DDX1: variants seen among roughly 807,000 people sequenced by gnomAD.
The protein encoded by DDX1 is ATP-dependent RNA helicase DDX1.
A neutral mutation model predicts 108.7 loss-of-function variants in DDX1; 28 were observed. That is an observed-to-expected ratio of 0.26 (90% confidence interval 0.19 to 0.35). The LOEUF is 0.35. Ranked by LOEUF, DDX1 falls within the 10% of genes least tolerant of loss-of-function variation. DDX1 has a pLI of 1.00. For synonymous variants in DDX1, 295 were observed against 288.9 expected, an observed-to-expected ratio of 1.02 and a Z score of -0.21; for missense variants, 710 against 884.5, an observed-to-expected ratio of 0.80 and a Z score of 2.50.
chr2:15,623,421 G>C lies in DDX1; in HGVS notation c.1448-15G>C, dbSNP rs375661986. The stretch of plus-strand genomic sequence containing the variant: ...TGAAATTCTGTTGGTTTTTGTTGTT[G>C]TTATGATATTCAAGAGATGTGGTCT... On this transcript the variant is annotated splice_polypyrimidine_tract_variant and intron_variant, in intron 18 of 25. Coordinates refer to ENST00000233084, the MANE Select transcript of DDX1 (RefSeq NM_004939.3). 3.1e-6 allele frequency: 5 copies of C among 1,612,030 alleles called. No individual in the cohort carries two copies. The highest frequency in any genetic ancestry group is 1.7e-5 in the Admixed American group (1 of 59,876).
At chr2:15,604,219 G>A (rs558517480) in intron 9 of DDX1, among the ~76,000 whole-genome samples, 2 of 152,020 alleles carry the variant, frequency 1.3e-5, no homozygotes, top group South Asian at 2.1e-4. Flanking sequence ...AATATAGTTC[G>A]TCTGGTGAGC....
At chr2:15,610,872 T>C (rs562072677) in intron 13 of DDX1, among the ~76,000 whole-genome samples, 1 of 149,664 alleles carries the variant, frequency 6.7e-6, no homozygotes, top group Non-Finnish European at 1.5e-5. Flanking sequence ...GTTTTTTTTT[T>C]TATTTTTTAT....
chr2:15,606,592 T>C (rs933241951), intron 12 of DDX1, among the ~76,000 whole-genome samples: 2 of 152,238 alleles, frequency 1.3e-5, no homozygotes, highest in Admixed American at 6.5e-5. Flanking sequence ...GTAGTAGTTT[T>C]CCCATTTTAC....
chr2:15,591,884 A>C lies in DDX1; in HGVS notation c.-50A>C, dbSNP rs201116907. ...CGCGCCGCCACTGCCACGCCGTGTC[A>C]GTCGGGAGGGAGGGAGCGAGCAGGC... On this transcript the variant is annotated 5_prime_UTR_variant, in exon 1 of 26. Coordinates refer to ENST00000233084, the MANE Select transcript of DDX1 (RefSeq NM_004939.3). The C allele has an allele frequency of 1.4e-4, 210 of 1,467,530 alleles. No individual in the cohort carries two copies. Among genetic ancestry groups the C allele is most frequent in the Non-Finnish European group, 1.8e-4 (201 of 1,108,490 alleles). 90.9% of individuals were successfully genotyped at this position (1,467,530 alleles called of 1,614,324 possible).
intron 13 of DDX1, among the ~76,000 whole-genome samples, chr2:15,611,638 C>A (rs562337813): frequency 1.9e-5 from 2 of 104,840 alleles, no homozygotes; most frequent in Admixed American, 8.9e-5. Context: ...TAGGGGTGGC[C>A]GGGCAGAGGC....
chr2:15,619,988 A>G (rs974405943), intron 16 of DDX1, among the ~76,000 whole-genome samples: 3 of 152,184 alleles, frequency 2.0e-5, no homozygotes, highest in Non-Finnish European at 4.4e-5. Flanking sequence ...TAGGGACGTG[A>G]GGAAGAGATG....
At chr2:15,595,103 A>AT (rs1665477686) in intron 1 of DDX1, 42 bp from the exon 2 acceptor site, 2 of 1,470,548 alleles carry the variant, frequency 1.4e-6, no homozygotes, top group Non-Finnish European at 1.9e-6. Flanking sequence ...GCAATTTATC[A>AT]TTTCAGTTTA....
chr2:15,591,884 A>G lies in DDX1; in HGVS notation c.-50A>G, dbSNP rs201116907. On this transcript the variant is annotated 5_prime_UTR_variant, in exon 1 of 26. Coordinates refer to ENST00000233084, the MANE Select transcript of DDX1 (RefSeq NM_004939.3). ...CGCGCCGCCACTGCCACGCCGTGTC[A>G]GTCGGGAGGGAGGGAGCGAGCAGGC... 2.0e-3 allele frequency: 2,994 copies of G among 1,467,582 alleles called. 21 individuals are homozygous for G. The highest frequency in any genetic ancestry group is 0.018 in the Middle Eastern group (97 of 5,516). The allele number at this position is 1,467,582 out of a possible 1,614,324, so 90.9% of individuals were successfully genotyped here. A position where few individuals can be genotyped will look rare whatever the true frequency, so the allele number is the denominator to read the frequency against.
At chr2:15,617,411 G>T in intron 15 of DDX1, 69 bp downstream of exon 15, 1 of 883,606 alleles carries the variant, frequency 1.1e-6, no homozygotes, top group South Asian at 2.0e-5. Context: ...TATATAAAAT[G>T]AAGAAGAAAT....
intron 1 of DDX1, among the ~76,000 whole-genome samples, chr2:15,592,543 C>G (rs892032028): frequency 1.3e-5 from 2 of 152,164 alleles, no homozygotes; most frequent in African/African-American, 4.8e-5. Flanking sequence ...AACGTACGCA[C>G]CAGTCCAACA....
intron 10 of DDX1, among the ~76,000 whole-genome samples, chr2:15,605,044 G>C (rs6750556): frequency 0.67 from 101,908 of 152,066 alleles, 35,493 homozygotes; most frequent in East Asian, 0.89. Flanking sequence ...AATGTTAGAT[G>C]AGTGAGGTGG....
intron 17 of DDX1, 125 bp from the exon 18 acceptor site, chr2:15,620,940 A>T: frequency 1.7e-6 from 1 of 594,734 alleles, no homozygotes; most frequent in Non-Finnish European, 2.8e-6. Context: ...AGATTATATT[A>T]TGAAGACATA....
intron 12 of DDX1, among the ~76,000 whole-genome samples, 193 bp from the exon 13 acceptor site, chr2:15,606,982 C>G (rs1266888970): frequency 6.6e-6 from 1 of 152,132 alleles, no homozygotes; most frequent in Non-Finnish European, 1.5e-5. Flanking sequence ...AGTCACCCCA[C>G]CAGCCCAAAT....
chr2:15,599,004 T>C (rs1024251555), intron 5 of DDX1: 2 of 152,172 alleles, frequency 1.3e-5, no homozygotes, highest in Admixed American at 1.3e-4. Flanking sequence ...ATAATTGAAG[T>C]CAACTTGTTT....
intron 7 of DDX1, among the ~76,000 whole-genome samples, chr2:15,602,957 C>T (rs1665609943): frequency 6.6e-6 from 1 of 152,214 alleles, no homozygotes; most frequent in Non-Finnish European, 1.5e-5. Context: ...AGGTGATCTG[C>T]TTGCCTTAGC....
At chr2:15,604,853 A>C (rs1009416249) in intron 10 of DDX1, among the ~76,000 whole-genome samples, 1 of 152,154 alleles carries the variant, frequency 6.6e-6, no homozygotes, top group Non-Finnish European at 1.5e-5. Flanking sequence ...AGGGCAGTCA[A>C]AAGGCTTGAT....
chr2:15,604,613 C>A (rs965676743), intron 10 of DDX1, 104 bp downstream of exon 10: 30 of 744,370 alleles, frequency 4.0e-5, no homozygotes, highest in Admixed American at 1.0e-4. Flanking sequence ...GTCCCTCCCT[C>A]CCTGCCTTTA....
intron 25 of DDX1, among the ~76,000 whole-genome samples, chr2:15,630,365 G>C (rs887971725): frequency 6.6e-6 from 1 of 152,180 alleles, no homozygotes; most frequent in African/African-American, 2.4e-5. Context: ...AAGAGTAGTT[G>C]AACATTTTGT....
chr2:15,611,329 C>CG (rs1665749817), intron 13 of DDX1, among the ~76,000 whole-genome samples: 1 of 151,794 alleles, frequency 6.6e-6, no homozygotes, highest in African/African-American at 2.4e-5. Context: ...ACTCTTTTCC[C>CG]CACCTCTCCC....
Sources: allele counts gnomAD v4.1 joint callset (sites outside exome capture counted in the v4.1 genomes callset), GRCh38; gene constraint gnomAD v4.1.1; transcripts MANE v1.5; gene names NCBI Gene and HGNC (gene_info 2026-07-23, HGNC 2026-07-21).